ROBO2: variants seen among roughly 807,000 people sequenced by gnomAD.
ROBO2 encodes roundabout guidance receptor 2, also known as roundabout homolog 2.
A neutral mutation model predicts 160.8 loss-of-function variants in ROBO2; 53 were observed. The observed-to-expected ratio is 0.33, with a 90% CI of 0.26 to 0.41. ROBO2 has a LOEUF of 0.41. ROBO2 is among the 10% of genes least tolerant of loss of function. The probability of loss-of-function intolerance (pLI) is 1.00; values close to 1 mark genes in which losing one functional copy is unlikely to be tolerated. For missense variants in ROBO2, 1,577 were observed against 1,722.4 expected, an observed-to-expected ratio of 0.92 and a Z score of 1.49; for synonymous variants, 664 against 611.7, an observed-to-expected ratio of 1.09 and a Z score of -1.26.
At chr3:76,533,334 G>T (rs576152260) in intron 2 of ROBO2, among the ~76,000 whole-genome samples, 1 of 152,146 alleles carries the variant, frequency 6.6e-6, no homozygotes, top group Non-Finnish European at 1.5e-5. Context: ...CAGCATACCT[G>T]TGCCATTTGG....
chr3:77,638,919 C>A (rs550834755), intron 24 of ROBO2, among the ~76,000 whole-genome samples: 20 of 149,092 alleles, frequency 1.3e-4, no homozygotes, highest in Non-Finnish European at 2.7e-4. Flanking sequence ...TCCCACCTTC[C>A]GGGTTCAAGC....
intron 2 of ROBO2, among the ~76,000 whole-genome samples, chr3:76,923,897 C>A (rs979941355): frequency 6.6e-6 from 1 of 152,132 alleles, no homozygotes; most frequent in Non-Finnish European, 1.5e-5. Flanking sequence ...TTTGTGTTAC[C>A]GGGAAGTGGT....
At chr3:76,367,478 G>T (rs534382672) in intron 2 of ROBO2, among the ~76,000 whole-genome samples, 6 of 151,866 alleles carry the variant, frequency 4.0e-5, no homozygotes, top group Non-Finnish European at 8.8e-5. Flanking sequence ...ACCCTGACTC[G>T]ATGGGAAAAA....
At chr3:76,094,966 G>A (rs1019990320) in intron 2 of ROBO2, among the ~76,000 whole-genome samples, 14 of 152,052 alleles carry the variant, frequency 9.2e-5, no homozygotes, top group Admixed American at 2.0e-4. Flanking sequence ...GTTAGGTGGC[G>A]GTAAAGCTTT....
intron 2 of ROBO2, among the ~76,000 whole-genome samples, chr3:76,063,936 T>A (rs561237648): frequency 6.6e-6 from 1 of 152,148 alleles, no homozygotes; most frequent in Non-Finnish European, 1.5e-5. Flanking sequence ...CCTCTAGCTT[T>A]AGAGAAGTAA....
At chr3:77,220,230 T>A (rs2151189114) in intron 2 of ROBO2, among the ~76,000 whole-genome samples, 1 of 152,240 alleles carries the variant, frequency 6.6e-6, no homozygotes, top group Non-Finnish European at 1.5e-5. Context: ...CAGGCTGGTC[T>A]CGAACTCCTG....
intron 2 of ROBO2, among the ~76,000 whole-genome samples, chr3:76,115,865 T>C (rs550058705): frequency 6.6e-6 from 1 of 152,246 alleles, no homozygotes; most frequent in South Asian, 2.1e-4. Context: ...CCAAGGACAC[T>C]GACAATGGAT....
In ROBO2 at chr3:76,780,914, A is replaced by G. The variant is rs190044574; in HGVS notation, c.110-317100A>G. On this transcript the variant is annotated intron_variant, in intron 2 of 26. Coordinates refer to the ROBO2 transcript ENST00000487694. ...GTTATTCAGTCTTTTGTGATTCCAC[A>G]GGAATTATAGGATGGTTTTTATATT... Among the ~76,000 whole-genome samples the G allele has an allele frequency of 3.3e-3, 501 of 150,694 alleles. 1 individual carries two copies. The highest frequency in any genetic ancestry group is 0.012 in the African/African-American group (487 of 41,338).
At chr3:76,958,706 G>A (rs1469369365) in intron 2 of ROBO2, among the ~76,000 whole-genome samples, 3 of 152,148 alleles carry the variant, frequency 2.0e-5, no homozygotes, top group Admixed American at 6.5e-5. Flanking sequence ...TCCAGTTAGC[G>A]TCATAATACA....
intron 2 of ROBO2, among the ~76,000 whole-genome samples, chr3:77,283,108 C>G (rs1352280700): frequency 1.3e-5 from 2 of 152,012 alleles, no homozygotes; most frequent in African/African-American, 4.8e-5. Context: ...TTCTGCAAAT[C>G]TGGTGAATCT....
At chr3:77,451,894 G>A (rs2081152522) in intron 2 of ROBO2, among the ~76,000 whole-genome samples, 2 of 151,814 alleles carry the variant, frequency 1.3e-5, no homozygotes, top group Admixed American at 1.3e-4. Context: ...ATTTACATTA[G>A]GTATATCTCC....
At chr3:76,992,569 C>A (rs2060745810) in intron 2 of ROBO2, among the ~76,000 whole-genome samples, 1 of 151,512 alleles carries the variant, frequency 6.6e-6, no homozygotes, top group Admixed American at 6.6e-5. Context: ...AAATCATGCA[C>A]TTGGACCAAT....
chr3:75,949,280 A>G (rs1181763520), intron 2 of ROBO2, among the ~76,000 whole-genome samples: 1 of 151,574 alleles, frequency 6.6e-6, no homozygotes, highest in Non-Finnish European at 1.5e-5. Context: ...TCTTTGGTCT[A>G]CTTTTACTTT....
At chr3:77,354,545 A>G (rs1258579450) in intron 2 of ROBO2, among the ~76,000 whole-genome samples, 2 of 152,234 alleles carry the variant, frequency 1.3e-5, no homozygotes, top group African/African-American at 2.4e-5. Flanking sequence ...GCCTAGTCTT[A>G]GATGAAGAAT....
intron 2 of ROBO2, among the ~76,000 whole-genome samples, chr3:76,142,338 A>G (rs1025449346): frequency 3.3e-5 from 5 of 152,048 alleles, no homozygotes; most frequent in African/African-American, 1.2e-4. Context: ...AAGAAAGGAA[A>G]TCAGTTTATG....
intron 2 of ROBO2, among the ~76,000 whole-genome samples, chr3:76,443,557 A>G (rs1047855433): frequency 1.3e-5 from 2 of 152,308 alleles, no homozygotes; most frequent in South Asian, 2.1e-4. Context: ...TTAGGTCAGC[A>G]TAATTTATAT....
chr3:76,161,682 G>A (rs13433699), intron 2 of ROBO2, among the ~76,000 whole-genome samples: 6,939 of 151,984 alleles, frequency 0.046, 364 homozygotes, highest in East Asian at 0.22. Context: ...GGCATTTTTC[G>A]TCTTTTATCT....
At chr3:76,093,034 G>A (rs140199387) in intron 2 of ROBO2, among the ~76,000 whole-genome samples, 18 of 152,154 alleles carry the variant, frequency 1.2e-4, no homozygotes, top group Admixed American at 3.9e-4. Flanking sequence ...TGAGTAAAAC[G>A]TGGTTGATTA....
chr3:76,132,276 A>G (rs2106682987), intron 2 of ROBO2, among the ~76,000 whole-genome samples: 1 of 151,988 alleles, frequency 6.6e-6, no homozygotes, highest in East Asian at 1.9e-4. Context: ...GAGACGTGCT[A>G]CAGGGCAGCT....
Sources: allele counts gnomAD v4.1 joint callset (sites outside exome capture counted in the v4.1 genomes callset), GRCh38; gene constraint gnomAD v4.1.1; transcripts MANE v1.5; gene names NCBI Gene and HGNC (gene_info 2026-07-23, HGNC 2026-07-21).